RANBP2: variants seen among roughly 807,000 people sequenced by gnomAD.
RANBP2 encodes the protein E3 SUMO-protein ligase RanBP2.
In RANBP2, 57 loss-of-function variants were observed where a neutral mutation model predicts 303.6. The observed-to-expected ratio is 0.19, with a 90% confidence interval of 0.15 to 0.23. RANBP2 has a LOEUF of 0.23. RANBP2 is among the 10% of genes least tolerant of loss of function. The probability of loss-of-function intolerance (pLI) is 1.00; values close to 1 mark genes in which losing one functional copy is unlikely to be tolerated. For missense variants in RANBP2, 3,138 were observed against 3,780.8 expected (o/e 0.83, Z 4.46); for synonymous variants, 1,167 against 1,301.5 (o/e 0.90, Z 2.23).
chr2:108,810,525 G>A, the RANBP2 span, among the ~76,000 whole-genome samples: 1 of 152,014 alleles, frequency 6.6e-6, no homozygotes, highest in African/African-American at 2.4e-5. Flanking sequence ...CTTGGTTATG[G>A]TATATTATCT....
At chr2:108,774,884 G>T (rs1677767398) in intron 23 of RANBP2, among the ~76,000 whole-genome samples, 1 of 151,806 alleles carries the variant, frequency 6.6e-6, no homozygotes, top group Admixed American at 6.6e-5. Context: ...TAGAGACGGG[G>T]TTTCACCATG....
the RANBP2 span, chr2:108,882,255 A>G: frequency 6.6e-6 from 1 of 152,230 alleles, no homozygotes; most frequent in Non-Finnish European, 1.5e-5. Context: ...AAATTACCAA[A>G]ATGTGAGCTC....
At chr2:108,826,663 G>T in the RANBP2 span, among the ~76,000 whole-genome samples, 1 of 152,240 alleles carries the variant, frequency 6.6e-6, no homozygotes, top group African/African-American at 2.4e-5. Context: ...TAGCTTTGTA[G>T]TAAATTTTGA....
At chr2:108,827,599 G>A in the RANBP2 span, among the ~76,000 whole-genome samples, 1 of 151,414 alleles carries the variant, frequency 6.6e-6, no homozygotes, top group East Asian at 1.9e-4. Flanking sequence ...GGCGGATCAC[G>A]AGGTCAGGAG....
the RANBP2 span, among the ~76,000 whole-genome samples, chr2:108,948,336 T>G: frequency 6.6e-6 from 1 of 152,232 alleles, no homozygotes; most frequent in Admixed American, 6.5e-5. Context: ...TCCTGTCTTC[T>G]TCTGAGCTTT....
chr2:109,545,082 G>A, the RANBP2 span: 1 of 985,422 alleles, frequency 1.0e-6, no homozygotes, highest in East Asian at 1.1e-4. Context: ...GCAATATTCT[G>A]AAAATGGGTC....
the RANBP2 span, among the ~76,000 whole-genome samples, chr2:109,695,972 C>CT: frequency 2.5e-3 from 372 of 150,820 alleles, 2 homozygotes; most frequent in East Asian, 0.019. Flanking sequence ...CTCACTTTTT[C>CT]TTTTTTTTTG....
chr2:109,489,484 T>C, the RANBP2 span, among the ~76,000 whole-genome samples: 1 of 152,098 alleles, frequency 6.6e-6, no homozygotes, highest in African/African-American at 2.4e-5. Context: ...TCCTACAAAG[T>C]CCACTTAGAA....
chr2:109,358,382 A>T, the RANBP2 span, among the ~76,000 whole-genome samples: 2 of 152,244 alleles, frequency 1.3e-5, no homozygotes. Flanking sequence ...TTTTGTGTGG[A>T]CATAAGCTTT....
downstream of RANBP2, chr2:108,788,685 A>C (rs1348956102): frequency 4.3e-5 from 21 of 484,572 alleles, no homozygotes; most frequent in Non-Finnish European, 5.6e-5. Context: ...GCGCCACTGC[A>C]CTCCAGCCTG....
chr2:108,740,339 A>T, intron 6 of RANBP2, 150 bp from the exon 7 acceptor site: 1 of 1,303,098 alleles, frequency 7.7e-7, no homozygotes, highest in Non-Finnish European at 1.1e-6. Context: ...TAGATGATTC[A>T]TAATTTATAA....
the RANBP2 span, among the ~76,000 whole-genome samples, chr2:109,104,350 A>G: frequency 6.6e-6 from 1 of 152,156 alleles, no homozygotes; most frequent in Non-Finnish European, 1.5e-5. Context: ...AAGAGGGCAT[A>G]TAAGGAGGCA....
the RANBP2 span, chr2:109,737,619 AG>A: frequency 3.5e-6 from 1 of 282,938 alleles, no homozygotes; most frequent in Non-Finnish European, 6.5e-6. Flanking sequence ...ATCATATGGT[AG>A]TTTAATTTTT....
the RANBP2 span, chr2:109,544,472 C>T: frequency 7.3e-7 from 1 of 1,373,290 alleles, no homozygotes; most frequent in Non-Finnish European, 9.3e-7. Context: ...ACCATATTTT[C>T]TTGAAGATAA....
chr2:109,027,595 G>A, the RANBP2 span, among the ~76,000 whole-genome samples: 2 of 152,194 alleles, frequency 1.3e-5, no homozygotes, highest in African/African-American at 2.4e-5. Context: ...CTCCCCTCCT[G>A]TAAGTGGTGA....
chr2:109,290,066 C>T, the RANBP2 span, among the ~76,000 whole-genome samples: 1 of 152,176 alleles, frequency 6.6e-6, no homozygotes, highest in African/African-American at 2.4e-5. Context: ...CAGGATTAAC[C>T]AAGGAATCTC....
the RANBP2 span, among the ~76,000 whole-genome samples, chr2:109,476,593 A>G: frequency 6.6e-6 from 1 of 152,222 alleles, no homozygotes; most frequent in African/African-American, 2.4e-5. Context: ...ATGAGCCTCA[A>G]ACACATGGTT....
the RANBP2 span, among the ~76,000 whole-genome samples, chr2:109,250,082 A>G: frequency 6.8e-6 from 1 of 147,788 alleles, no homozygotes; most frequent in Non-Finnish European, 1.5e-5. Flanking sequence ...GCAAAACAGT[A>G]GGTGTTCCTT....
At chr2:109,363,151 C>A in the RANBP2 span, among the ~76,000 whole-genome samples, 9 of 151,948 alleles carry the variant, frequency 5.9e-5, no homozygotes, top group East Asian at 9.7e-4. Context: ...GTCTTTCACT[C>A]TTTTTCGGTC....
Sources: allele counts gnomAD v4.1 joint callset (sites outside exome capture counted in the v4.1 genomes callset), GRCh38; gene constraint gnomAD v4.1.1; transcripts MANE v1.5; gene names NCBI Gene and HGNC (gene_info 2026-07-23, HGNC 2026-07-21).